MAP4: variants seen among roughly 807,000 people sequenced by gnomAD.
MAP4 encodes the protein microtubule associated protein 4.
A neutral mutation model predicts 170.2 loss-of-function variants in MAP4; 76 were observed. The ratio of observed to expected loss-of-function variants is 0.45; its 90% CI spans 0.37 to 0.54. The LOEUF (loss-of-function observed/expected upper bound fraction) is 0.54. MAP4 is among the 20% of genes least tolerant of loss of function. The pLI is 0.00. For synonymous variants in MAP4, 909 were observed against 994.5 expected, an observed-to-expected ratio of 0.91 and a Z score of 1.62; for missense variants, 2,506 against 2,748.0, an observed-to-expected ratio of 0.91 and a Z score of 1.97.
intron 1 of MAP4, among the ~76,000 whole-genome samples, chr3:48,065,004 C>T (rs185600178): frequency 1.3e-5 from 2 of 152,238 alleles, no homozygotes; most frequent in East Asian, 1.9e-4. Flanking sequence ...GTAGTGTGCA[C>T]GTGTAGTCCC....
rs2154578256 is a variant in MAP4, at chr3:48,088,772, C to G, written c.-20+1G>C. 6.5e-6 allele frequency: 1 copy of G among 152,690 alleles called. No homozygotes were observed. Among genetic ancestry groups the G allele is most frequent in the African/African-American group, 2.4e-5 (1 of 41,486 alleles). The allele number at this position is 152,690 out of a possible 1,614,324, so 9.5% of individuals were successfully genotyped here. A position where few individuals can be genotyped will look rare whatever the true frequency, so the allele number is the denominator to read the frequency against. On this transcript the variant is annotated splice_donor_variant, in intron 1 of 18. Coordinates refer to the MAP4 transcript ENST00000360240. LOFTEE classifies it low-confidence loss of function (5UTR_SPLICE). ...CGGACCCCGCCTGCGGCTGCACCTA[C>G]CCGCCGCCGCCGAGACGGAGCTGGG...
chr3:47,871,519 T>C (rs547995019), intron 13 of MAP4, among the ~76,000 whole-genome samples: 6 of 152,264 alleles, frequency 3.9e-5, no homozygotes, highest in Admixed American at 2.0e-4. Context: ...TGTCAATACA[T>C]GCCTATGGAC....
At chr3:47,853,065 A>C (rs200974649) in intron 20 of MAP4, 98 bp downstream of exon 20, 2 of 1,614,202 alleles carry the variant, frequency 1.2e-6, no homozygotes, top group South Asian at 2.2e-5. Flanking sequence ...TTACTTCATT[A>C]AAATTTAGGC....
In MAP4 at chr3:47,852,561, T is replaced by C. The variant is rs1042156371; in HGVS notation, c.*373A>G. The C allele has an allele frequency of 5.4e-6, 3 of 555,884 alleles. No individual in the cohort carries two copies. Among genetic ancestry groups the C allele is most frequent in the African/African-American group, 3.9e-5 (2 of 51,938 alleles). 34.4% of individuals were successfully genotyped at this position (555,884 alleles called of 1,614,324 possible). A position where few individuals can be genotyped will look rare whatever the true frequency, so the allele number is the denominator to read the frequency against. ...GAACCAAAAAAAGATGAGGATAGAA[T>C]CTGGTTCTCCTCTCCTAGATCCCAA... On this transcript the variant is annotated 3_prime_UTR_variant, in exon 21 of 21. Coordinates refer to ENST00000683076, the MANE Select transcript of MAP4 (RefSeq NM_001385682.1).
At chr3:48,041,924 G>A (rs976536972) in intron 1 of MAP4, among the ~76,000 whole-genome samples, 4 of 152,150 alleles carry the variant, frequency 2.6e-5, no homozygotes, top group African/African-American at 9.7e-5. Context: ...CAAAGTCCTG[G>A]GAGGGTAGCA....
intron 10 of MAP4, among the ~76,000 whole-genome samples, chr3:47,889,066 C>T (rs1183359740): frequency 1.3e-5 from 2 of 152,188 alleles, no homozygotes; most frequent in Non-Finnish European, 2.9e-5. Context: ...ACCATGGCAA[C>T]TCAATGCTAT....
intron 4 of MAP4, among the ~76,000 whole-genome samples, chr3:47,925,099 C>T (rs1448696513): frequency 2.0e-5 from 3 of 152,144 alleles, no homozygotes; most frequent in East Asian, 1.9e-4. Context: ...CGTGAGCCAC[C>T]GTGCCCGGCT....
intron 1 of MAP4, among the ~76,000 whole-genome samples, chr3:48,080,333 T>G (rs2100145994): frequency 6.6e-6 from 1 of 152,236 alleles, no homozygotes; most frequent in Non-Finnish European, 1.5e-5. Flanking sequence ...TTTGTCTAGA[T>G]TATCTCTAAA....
At chr3:47,889,322 AG>A (rs1315542731) in intron 10 of MAP4, among the ~76,000 whole-genome samples, 1 of 152,220 alleles carries the variant, frequency 6.6e-6, no homozygotes, top group Non-Finnish European at 1.5e-5. Flanking sequence ...CTTGCCTGGA[AG>A]GCTTTCCCTC....
At chr3:47,951,707 C>T (rs1240840586) in intron 3 of MAP4, among the ~76,000 whole-genome samples, 1 of 152,206 alleles carries the variant, frequency 6.6e-6, no homozygotes, top group Non-Finnish European at 1.5e-5. Flanking sequence ...CTACAACCTC[C>T]ACCTCCCAGC....
chr3:48,000,625 A>G (rs1374450405), intron 1 of MAP4, among the ~76,000 whole-genome samples: 1 of 152,200 alleles, frequency 6.6e-6, no homozygotes, highest in African/African-American at 2.4e-5. Context: ...AGTGACAGCT[A>G]TTTAGTTGCC....
At chr3:48,012,972 T>G (rs1471424450) in intron 1 of MAP4, among the ~76,000 whole-genome samples, 1 of 147,160 alleles carries the variant, frequency 6.8e-6, no homozygotes, top group Non-Finnish European at 1.5e-5. Flanking sequence ...AGTACTGTTG[T>G]TTTTTTTTTC....
chr3:48,079,857 G>A (rs1360645971), intron 1 of MAP4, among the ~76,000 whole-genome samples: 1 of 151,978 alleles, frequency 6.6e-6, no homozygotes, highest in Non-Finnish European at 1.5e-5. Context: ...GGCTGAGGCA[G>A]GAGCATGGCG....
intron 1 of MAP4, among the ~76,000 whole-genome samples, chr3:48,084,637 G>A (rs1185686511): frequency 6.6e-6 from 1 of 151,282 alleles, no homozygotes; most frequent in African/African-American, 2.4e-5. Context: ...AAGTGCAGTG[G>A]CACAATCATA....
chr3:48,005,454 G>A (rs1315003130), intron 1 of MAP4, among the ~76,000 whole-genome samples: 1 of 152,172 alleles, frequency 6.6e-6, no homozygotes, highest in Non-Finnish European at 1.5e-5. Context: ...AATGGTGGAA[G>A]GAACATAGAG....
At chr3:47,858,092 C>T (rs951336159) in intron 17 of MAP4, among the ~76,000 whole-genome samples, 1 of 151,366 alleles carries the variant, frequency 6.6e-6, no homozygotes, top group South Asian at 2.1e-4. Flanking sequence ...TGGCTCACCC[C>T]AGCCTCCATC....
At chr3:47,991,102 T>C (rs978074802) in intron 2 of MAP4, among the ~76,000 whole-genome samples, 1 of 152,200 alleles carries the variant, frequency 6.6e-6, no homozygotes, top group African/African-American at 2.4e-5. Flanking sequence ...GGTTCTTGTG[T>C]TGCCAGGCAT....
At position 47,909,449 on chromosome 3, in the gene MAP4, G is replaced by C. The variant is rs768149047; in HGVS notation, c.4972C>G (p.Leu1658Val). Reference protein sequence around the residue: ...GSDSLNKKVDLTLLSPKSEND... With the variant: ...GSDSLNKKVDVTLLSPKSEND... ...TCACTTTTTGGAGACAAAAGAGTCA[G>C]ATCTACCTTCTTATTCAAACTATCT... The change falls in exon 9 of 21, where the codon CTG becomes GTG. Residue 1658 changes from leucine to valine, a missense_variant. By Grantham distance (32) the Leu-to-Val change is conservative. Transcript: ENST00000683076. 3 of 1,613,722 alleles carry C rather than the reference G, an allele frequency of 1.9e-6. No homozygotes were observed. The Admixed American group carries it at 5.0e-5, about 27-fold the overall frequency.
rs767782330 is a variant in MAP4, at chr3:47,916,108, G to C, written c.1719C>G (p.Ala573=). Residue 573 remains alanine (A), a synonymous_variant, in exon 7 of 21, where the codon GCC becomes GCG. Coordinates refer to ENST00000683076, the MANE Select transcript of MAP4 (RefSeq NM_001385682.1). ...TTTCTGAGAGTGGTGGAACATCTTT[G>C]GCTGGAGTCACATTGTTGGCCAGGG... ...VLTLANNVTP[A]KDVPPLSETE... is the part of the protein sequence containing the mutation. 6.2e-7 allele frequency: 1 copy of C among 1,614,206 alleles called. No individual in the cohort carries two copies. Among genetic ancestry groups the C allele is most frequent in the Non-Finnish European group, 8.5e-7 (1 of 1,180,034 alleles).
Sources: gnomAD v4.1 joint callset for allele counts (sites outside exome capture counted in the v4.1 genomes callset) on GRCh38, gnomAD v4.1.1 for gene constraint, MANE v1.5 for transcripts, NCBI Gene and HGNC (gene_info 2026-07-23, HGNC 2026-07-21) for gene names.